Variants in ESD observed in about 807,000 individuals in gnomAD.
ESD encodes S-formylglutathione hydrolase.
ESD carries 34 observed loss-of-function variants against 38.1 expected under a neutral mutation model. That is an observed-to-expected ratio of 0.89 (90% CI 0.68 to 1.19). ESD has a LOEUF of 1.19. Ranked by LOEUF, ESD falls within the 50% of genes most tolerant of loss-of-function variation. ESD has a pLI of 0.00. For missense variants in ESD, 334 were observed against 327.2 expected, an observed-to-expected ratio of 1.02 and a Z score of -0.16; for synonymous variants, 97 against 107.0, an observed-to-expected ratio of 0.91 and a Z score of 0.58.
In ESD at chr13:46,777,698, G is replaced by A; in HGVS notation, c.601-75C>T. 3.4e-6 allele frequency: 4 copies of A among 1,165,108 alleles called. No individual in the cohort carries two copies. The Admixed American group carries it at 1.0e-4, about 30-fold the overall frequency. The allele number at this position is 1,165,108 out of a possible 1,614,324, so 72.2% of individuals were successfully genotyped here. On this transcript the variant is annotated intron_variant, in intron 8 of 9. Coordinates refer to ENST00000378720, the MANE Select transcript of ESD (RefSeq NM_001984.2). ...GGATATACTATACTAGTACCAAACA[G>A]AAATTTAAAGTTATTTAAGCTCTTA...
At chr13:46,782,083 A>T (rs1008436326) in intron 6 of ESD, among the ~76,000 whole-genome samples, 1 of 151,840 alleles carries the variant, frequency 6.6e-6, no homozygotes, top group African/African-American at 2.4e-5. Context: ...AACACTAGAA[A>T]ATATTTTTAT....
intron 3 of ESD, among the ~76,000 whole-genome samples, chr13:46,788,329 T>C (rs1056918090): frequency 6.6e-6 from 1 of 152,072 alleles, no homozygotes; most frequent in African/African-American, 2.4e-5. Context: ...ACTTTTCTTG[T>C]TGATGACTGA....
chr13:46,791,940 A>T (rs916368802), intron 2 of ESD, among the ~76,000 whole-genome samples: 6 of 152,060 alleles, frequency 3.9e-5, no homozygotes, highest in Non-Finnish European at 7.4e-5. Flanking sequence ...AGATCCAATT[A>T]CTCATCCCAT....
At position 46,779,978 on chromosome 13, in the gene ESD, T is replaced by G; in HGVS notation, c.557A>C (p.Lys186Thr). The change falls in exon 8 of 10, where the codon AAA (lysine) becomes ACA (threonine). Residue 186 changes from lysine to threonine, a missense_variant. Transcript: ENST00000378720. ...TGTTCCCAAATATCCACTAAAGGCT[T>G]TTTTGCCCCAGGGACAGAGTACAGG... ...CNPVLCPWGK[K>T]AFSGYLGTDQ... is the part of the protein sequence containing the mutation. The G allele has an allele frequency of 1.9e-6, 3 of 1,606,104 alleles. No individual in the cohort carries two copies. Among genetic ancestry groups the G allele is most frequent in the Non-Finnish European group, 2.6e-6 (3 of 1,174,666 alleles).
intron 3 of ESD, among the ~76,000 whole-genome samples, chr13:46,789,991 C>CATATATATATATATATATATAT (rs1163985354): frequency 2.9e-5 from 4 of 140,282 alleles, no homozygotes; most frequent in Admixed American, 2.1e-4. Flanking sequence ...AATTTTTGTA[C>CATATATATATATATATATATAT]ATATATATAT....
intron 1 of ESD, among the ~76,000 whole-genome samples, chr13:46,794,187 A>G (rs1875497917): frequency 6.6e-6 from 1 of 151,954 alleles, no homozygotes. Flanking sequence ...AACAACAACA[A>G]AAACAGAAAA....
chr13:46,796,278 A>T (rs1875572145), intron 1 of ESD, among the ~76,000 whole-genome samples: 1 of 152,194 alleles, frequency 6.6e-6, no homozygotes, highest in African/African-American at 2.4e-5. Context: ...TTCACCACTT[A>T]TTACTACATG....
chr13:46,797,227 C>G (rs962074035), upstream of ESD: 1 of 152,438 alleles, frequency 6.6e-6, no homozygotes, highest in Non-Finnish European at 1.5e-5. Context: ...CACTCACTCT[C>G]GCTTTTAACT....
chr13:46,772,462 A>G (rs909151518), intron 9 of ESD, among the ~76,000 whole-genome samples: 3 of 152,132 alleles, frequency 2.0e-5, no homozygotes, highest in Admixed American at 2.0e-4. Flanking sequence ...TAAGTTCAGG[A>G]GTACATGTGC....
At chr13:46,782,422 C>A (rs190773739) in intron 6 of ESD, among the ~76,000 whole-genome samples, 38 of 151,892 alleles carry the variant, frequency 2.5e-4, no homozygotes, top group Middle Eastern at 3.4e-3. Context: ...AGGTTTTTTT[C>A]ATATACCATT....
At chr13:46,792,867 T>G (rs551050043) in intron 2 of ESD, among the ~76,000 whole-genome samples, 49 of 152,090 alleles carry the variant, frequency 3.2e-4, no homozygotes, top group African/African-American at 1.2e-3. Flanking sequence ...CAAATAAAAT[T>G]TATTTGCTCC....
intron 9 of ESD, among the ~76,000 whole-genome samples, chr13:46,775,055 G>C (rs1184741822): frequency 6.6e-6 from 1 of 151,904 alleles, no homozygotes; most frequent in Non-Finnish European, 1.5e-5. Context: ...CACAGTATTA[G>C]GTCACTAAAT....
chr13:46,794,450 C>G (rs1363841117), intron 1 of ESD, among the ~76,000 whole-genome samples: 1 of 152,150 alleles, frequency 6.6e-6, no homozygotes, highest in Non-Finnish European at 1.5e-5. Flanking sequence ...TCTCCTACCT[C>G]AGCCTCCTGA....
At position 46,777,491 on chromosome 13, in the gene ESD, C is replaced by T; in HGVS notation, c.733G>A (p.Glu245Lys). 6.2e-7 allele frequency: 1 copy of T among 1,606,942 alleles called. No homozygotes were observed. The change falls in exon 9 of 10, where the codon GAA becomes AAA. Residue 245 changes from glutamate to lysine, a missense_variant. Glu to Lys is a moderately conservative substitution (Grantham distance 56). Transcript: ENST00000378720. Reference sequence around the variant, plus strand: ...CGAAAAACAACGGGGATTTTCTTTTCTGTACAGGCAGCTATGAAGTTATCA... The same window carrying T: ...CGAAAAACAACGGGGATTTTCTTTTTTGTACAGGCAGCTATGAAGTTATCA... ...LPDNFIAACTEKKIPVVFRLQ... is the reference protein window; with the variant it reads ...LPDNFIAACTKKKIPVVFRLQ...
chr13:46,796,403 C>T (rs1308988961), intron 1 of ESD, among the ~76,000 whole-genome samples: 1 of 152,200 alleles, frequency 6.6e-6, no homozygotes, highest in Non-Finnish European at 1.5e-5. Flanking sequence ...TCACGTAGTG[C>T]TTAAAATGCT....
chr13:46,786,164 CTTCA>C (rs1481502924), intron 4 of ESD, among the ~76,000 whole-genome samples: 3 of 152,026 alleles, frequency 2.0e-5, no homozygotes, highest in Non-Finnish European at 2.9e-5. Flanking sequence ...AATCAGTGCT[CTTCA>C]TTCAATCACA....
In ESD at chr13:46,782,524, G is replaced by T. The variant is rs1319984450; in HGVS notation, c.381+143C>A. On this transcript the variant is annotated intron_variant, in intron 6 of 9. Transcript: ENST00000378720. Reference sequence around the variant, plus strand: ...GTGTTAATTTAAATTGCAGTAAATAGAACTATAGTACTAGCAAACTTTGGA... The same window carrying T: ...GTGTTAATTTAAATTGCAGTAAATATAACTATAGTACTAGCAAACTTTGGA... 1.8e-5 allele frequency: 13 copies of T among 719,536 alleles called. No homozygotes were observed. The Middle Eastern group carries it at 2.0e-3, about 112-fold the overall frequency. 44.6% of individuals were successfully genotyped at this position (719,536 alleles called of 1,614,324 possible). A position where few individuals can be genotyped will look rare whatever the true frequency, so the allele number is the denominator to read the frequency against.
At chr13:46,784,229 A>C in intron 5 of ESD, 23 bp downstream of exon 5, 1 of 1,566,530 alleles carries the variant, frequency 6.4e-7, no homozygotes, top group South Asian at 1.1e-5. Flanking sequence ...TTTACAAAGG[A>C]TATCTAGACC....
At chr13:46,787,142 A>C (rs779398635) in intron 3 of ESD, 33 bp from the exon 4 acceptor site, 12 of 1,252,182 alleles carry the variant, frequency 9.6e-6, no homozygotes, top group Non-Finnish European at 1.4e-5. Flanking sequence ...CAAAATATTA[A>C]TGCCCCTCAT....
Sources: gnomAD v4.1 joint callset for allele counts (sites outside exome capture counted in the v4.1 genomes callset) on GRCh38, gnomAD v4.1.1 for gene constraint, MANE v1.5 for transcripts, NCBI Gene and HGNC (gene_info 2026-07-23, HGNC 2026-07-21) for gene names.